The following ADAMTS18 variants were observed in gnomAD, a reference collection of about 807,000 sequenced individuals.
The protein encoded by ADAMTS18 is A disintegrin and metalloproteinase with thrombospondin motifs 18.
In ADAMTS18, 157 loss-of-function variants were observed where a neutral mutation model predicts 165.9. That is an observed-to-expected ratio of 0.95 (90% CI 0.83 to 1.08). The LOEUF is 1.08. Ranked by LOEUF, ADAMTS18 falls within the 50% of genes least tolerant of loss-of-function variation. The pLI is 0.00. For synonymous variants in ADAMTS18, 782 were observed against 578.2 expected, an observed-to-expected ratio of 1.35 and a Z score of -5.06; for missense variants, 2,040 against 1,534.0, an observed-to-expected ratio of 1.33 and a Z score of -5.51.
chr16:77,301,607 C>A (rs1245930523), intron 16 of ADAMTS18, among the ~76,000 whole-genome samples: 3 of 152,226 alleles, frequency 2.0e-5, no homozygotes, highest in Non-Finnish European at 2.9e-5. Flanking sequence ...GAACCCCTGG[C>A]TCTGTCTCCC....
chr16:77,409,365 C>G (rs2057432132), intron 3 of ADAMTS18, among the ~76,000 whole-genome samples: 1 of 152,134 alleles, frequency 6.6e-6, no homozygotes, highest in South Asian at 2.1e-4. Flanking sequence ...TCCTACGAAA[C>G]AGACACCGAA....
intron 22 of ADAMTS18, among the ~76,000 whole-genome samples, chr16:77,286,175 C>A (rs1004225298): frequency 6.6e-6 from 1 of 152,154 alleles, no homozygotes; most frequent in African/African-American, 2.4e-5. Flanking sequence ...ACTTTGGGGT[C>A]TCTCTGCCAG....
At chr16:77,371,574 A>C (rs2056876806) in intron 3 of ADAMTS18, among the ~76,000 whole-genome samples, 1 of 152,228 alleles carries the variant, frequency 6.6e-6, no homozygotes, top group African/African-American at 2.4e-5. Flanking sequence ...CTGGATATTC[A>C]TATACAGAAG....
chr16:77,309,995 G>C (rs2055751072), intron 16 of ADAMTS18, among the ~76,000 whole-genome samples: 1 of 152,096 alleles, frequency 6.6e-6, no homozygotes, highest in Non-Finnish European at 1.5e-5. Context: ...TAAACCATGT[G>C]GTTGTCAAGG....
intron 3 of ADAMTS18, among the ~76,000 whole-genome samples, chr16:77,402,587 G>C (rs1358939191): frequency 6.6e-6 from 1 of 152,140 alleles, no homozygotes; most frequent in Non-Finnish European, 1.5e-5. Context: ...CCCACATTTA[G>C]GCAGAATGTA....
intron 3 of ADAMTS18, among the ~76,000 whole-genome samples, chr16:77,424,725 T>C (rs1012204422): frequency 6.6e-6 from 1 of 152,220 alleles, no homozygotes; most frequent in African/African-American, 2.4e-5. Flanking sequence ...TTAACCTTTC[T>C]TGATGAAATG....
chr16:77,331,357 A>G (rs1278539032), intron 12 of ADAMTS18, among the ~76,000 whole-genome samples: 1 of 152,210 alleles, frequency 6.6e-6, no homozygotes, highest in Non-Finnish European at 1.5e-5. Context: ...TCCATGAACT[A>G]TACTTCACAA....
chr16:77,392,666 C>T (rs35314138), intron 3 of ADAMTS18, among the ~76,000 whole-genome samples: 1 of 152,048 alleles, frequency 6.6e-6, no homozygotes, highest in Non-Finnish European at 1.5e-5. Flanking sequence ...CTGCTGTATT[C>T]CCAGTGCCGA....
chr16:77,384,913 T>TG (rs71137811), intron 3 of ADAMTS18, among the ~76,000 whole-genome samples: 47,843 of 150,390 alleles, frequency 0.32, 8,862 homozygotes, highest in Non-Finnish European at 0.44. Context: ...AGATAAGGTT[T>TG]TTTTTTTTTT....
intron 9 of ADAMTS18, among the ~76,000 whole-genome samples, chr16:77,355,202 T>TTGTGTGTGTG (rs141620918): frequency 0.12 from 17,156 of 146,528 alleles, 1,214 homozygotes; most frequent in African/African-American, 0.19. Flanking sequence ...AAAGGTAGGA[T>TTGTGTGTGTG]TGTGTGTGTG....
At chr16:77,304,089 TG>T (rs571955926) in intron 16 of ADAMTS18, among the ~76,000 whole-genome samples, 27 of 151,820 alleles carry the variant, frequency 1.8e-4, no homozygotes, top group Non-Finnish European at 2.8e-4. Flanking sequence ...AAATCTGAGG[TG>T]GGGGAGGAAA....
chr16:77,427,492 G>C (rs1003911897), intron 3 of ADAMTS18, among the ~76,000 whole-genome samples: 1 of 152,192 alleles, frequency 6.6e-6, no homozygotes, highest in Non-Finnish European at 1.5e-5. Context: ...ATAGTAGAAA[G>C]GACAGACATG....
rs1023892831 is a variant in ADAMTS18 at position 77,434,614 on chromosome 16, C to T, written c.82G>A (p.Val28Met). 1.1e-4 allele frequency: 168 copies of T among 1,521,942 alleles called. No homozygotes were observed. The highest frequency in any genetic ancestry group is 1.4e-4 in the Non-Finnish European group (164 of 1,140,502). The allele number at this position is 1,521,942 out of a possible 1,614,324, so 94.3% of individuals were successfully genotyped here. The change falls in exon 1 of 23, where the codon GTG becomes ATG. Residue 28 changes from valine (V) to methionine (M), a missense_variant. Transcript: ENST00000282849. ...PPRGLAGLGR[V>M]AKALQLCCLC... ...CGCTCGGCGGCACCTGCCTTGGCCA[C>T]GCGCCCCAGTCCCGCCAGGCCCCTC...
chr16:77,425,889 C>CA (rs986489398), intron 3 of ADAMTS18, among the ~76,000 whole-genome samples: 1 of 151,852 alleles, frequency 6.6e-6, no homozygotes, highest in African/African-American at 2.4e-5. Flanking sequence ...CTAAAAATAA[C>CA]AAAAAAATTA....
At chr16:77,362,521 C>T (rs530769707) in intron 6 of ADAMTS18, among the ~76,000 whole-genome samples, 1 of 152,180 alleles carries the variant, frequency 6.6e-6, no homozygotes, top group Admixed American at 6.5e-5. Context: ...AGTTAGAACA[C>T]CTTTGTTCAT....
rs75181354 is a variant in ADAMTS18, at chr16:77,401,361, A to T, written c.495+29934T>A. The stretch of plus-strand genomic sequence containing the variant: ...ATAGCAAATATGTTTACTGTGTACT[A>T]GATGCCATTTTCAGACCTTTACTGA... On this transcript the variant is annotated intron_variant, in intron 3 of 22. Transcript: ENST00000282849. 1.0e-3 allele frequency among the ~76,000 whole-genome samples: 155 copies of T among 152,374 alleles called. 5 individuals are homozygous for T. In the East Asian group the frequency reaches 0.027, roughly 26 times the overall value.
At chr16:77,336,462 T>G (rs1004657485) in intron 11 of ADAMTS18, among the ~76,000 whole-genome samples, 3 of 152,220 alleles carry the variant, frequency 2.0e-5, no homozygotes, top group Non-Finnish European at 2.9e-5. Flanking sequence ...TCCAAACCCG[T>G]CACTATAGAG....
At chr16:77,390,645 GCAC>G (rs1222792556) in intron 3 of ADAMTS18, among the ~76,000 whole-genome samples, 1 of 150,280 alleles carries the variant, frequency 6.7e-6, no homozygotes, top group African/African-American at 2.5e-5. Flanking sequence ...AGTGGAGATC[GCAC>G]CACTGCACTT....
At chr16:77,415,871 T>C (rs577745400) in intron 3 of ADAMTS18, among the ~76,000 whole-genome samples, 2 of 152,318 alleles carry the variant, frequency 1.3e-5, no homozygotes, top group East Asian at 3.9e-4. Context: ...AATTTATCTA[T>C]TTCTAAATTG....
Sources: gnomAD v4.1 joint callset for allele counts (sites outside exome capture counted in the v4.1 genomes callset) on GRCh38, gnomAD v4.1.1 for gene constraint, MANE v1.5 for transcripts, NCBI Gene and HGNC (gene_info 2026-07-23, HGNC 2026-07-21) for gene names.